TMC1: variants seen among roughly 807,000 people sequenced by gnomAD.
TMC1 encodes transmembrane channel-like protein 1.
Under a neutral mutation model 105.8 loss-of-function variants are expected in TMC1, and 84 were observed. The observed-to-expected ratio is 0.79, with a 90% CI of 0.67 to 0.95. The LOEUF (loss-of-function observed/expected upper bound fraction) is 0.95, where lower values mean the gene tolerates loss of function less well. Ranked by LOEUF, TMC1 falls within the 40% of genes least tolerant of loss-of-function variation. TMC1 has a pLI of 0.00. For missense variants in TMC1, 817 were observed against 914.1 expected (o/e 0.89, Z 1.37); for synonymous variants, 315 against 311.5 (o/e 1.01, Z -0.12).
chr9:72,548,343 G>T (rs1224215435), intron 1 of TMC1, among the ~76,000 whole-genome samples: 1 of 152,016 alleles, frequency 6.6e-6, no homozygotes, highest in Non-Finnish European at 1.5e-5. Flanking sequence ...AGGCCAAGGT[G>T]GGGTGGATCA....
intron 1 of TMC1, among the ~76,000 whole-genome samples, chr9:72,533,219 T>C (rs146413490): frequency 6.6e-6 from 1 of 152,262 alleles, no homozygotes; most frequent in African/African-American, 2.4e-5. Flanking sequence ...AATATATTCA[T>C]CCAGAGAACC....
chr9:72,602,366 ATT>A (rs66682329), intron 2 of TMC1, among the ~76,000 whole-genome samples: 870 of 86,540 alleles, frequency 0.01, 5 homozygotes, highest in African/African-American at 0.036. Flanking sequence ...CCTATTGGTG[ATT>A]TTTTTTTTTT....
At chr9:72,791,051 T>C (rs965900965) in intron 15 of TMC1, among the ~76,000 whole-genome samples, 1 of 152,126 alleles carries the variant, frequency 6.6e-6, no homozygotes, top group Non-Finnish European at 1.5e-5. Flanking sequence ...AATCGGTATT[T>C]CCCTATTAGA....
At chr9:72,582,136 T>C (rs1247023053) in intron 2 of TMC1, among the ~76,000 whole-genome samples, 1 of 152,112 alleles carries the variant, frequency 6.6e-6, no homozygotes, top group African/African-American at 2.4e-5. Context: ...TTTGTACTTT[T>C]AGTGGAGATG....
rs147604209 is a variant in TMC1, at chr9:72,553,042, C to T, written c.-427-24860C>T. ...AGGCTGGAGTGCAACGGCATGATCT[C>T]GGGTCACAGCAACCTCTGCCTCCCA... On this transcript the variant is annotated intron_variant, in intron 1 of 23. Transcript: ENST00000297784. Among the ~76,000 whole-genome samples the T allele has an allele frequency of 1.7e-4, 26 of 152,090 alleles. No homozygotes were observed. The East Asian group carries it at 4.9e-3, about 28-fold the overall frequency.
intron 2 of TMC1, among the ~76,000 whole-genome samples, chr9:72,615,906 C>G (rs1825118826): frequency 6.6e-6 from 1 of 151,954 alleles, no homozygotes. Context: ...GCGTCCGTCA[C>G]CACACTCAGC....
chr9:72,785,909 T>C (rs1417105802), intron 13 of TMC1, among the ~76,000 whole-genome samples: 1 of 152,240 alleles, frequency 6.6e-6, no homozygotes, highest in African/African-American at 2.4e-5. Flanking sequence ...TAATTTTCTT[T>C]TTCTTGTGTG....
chr9:72,605,795 C>T (rs139074305), intron 2 of TMC1, among the ~76,000 whole-genome samples: 95 of 152,088 alleles, frequency 6.2e-4, no homozygotes, highest in African/African-American at 2.2e-3. Context: ...AGGCTGGTCT[C>T]GAACTCCTGG....
intron 1 of TMC1, among the ~76,000 whole-genome samples, chr9:72,548,444 C>G (rs1309808924): frequency 6.6e-6 from 1 of 151,900 alleles, no homozygotes; most frequent in Non-Finnish European, 1.5e-5. Context: ...TGGTCAGGCG[C>G]ACGCCTGTAA....
chr9:72,816,183 C>T lies in TMC1; in HGVS notation c.1736C>T (p.Ala579Val). ...TTCGACATCAGTGGCAACGTCCTCG[C>T]TCTGATCTTCAACCAAGGCATGATC... ...TEFDISGNVLALIFNQGMIWM... is the reference protein window; with the variant it reads ...TEFDISGNVLVLIFNQGMIWM... The change falls in exon 19 of 24, where the codon GCT becomes GTT. Residue 579 changes from alanine to valine, a missense_variant. Ala to Val is a moderately conservative substitution (Grantham distance 64). Transcript: ENST00000297784. 1 of 1,613,616 alleles carries T rather than the reference C, an allele frequency of 6.2e-7. No individual in the cohort carries two copies. Among genetic ancestry groups the T allele is most frequent in the South Asian group, 1.1e-5 (1 of 91,078 alleles).
intron 1 of TMC1, among the ~76,000 whole-genome samples, chr9:72,537,218 G>C (rs1823600396): frequency 6.6e-6 from 1 of 152,272 alleles, no homozygotes; most frequent in South Asian, 2.1e-4. Flanking sequence ...GTCCTCCTAG[G>C]CCTCTAGGCT....
chr9:72,541,000 A>G (rs1319348378), intron 1 of TMC1, among the ~76,000 whole-genome samples: 1 of 152,158 alleles, frequency 6.6e-6, no homozygotes, highest in Non-Finnish European at 1.5e-5. Flanking sequence ...AAAACTTCTG[A>G]CTTTTGTTTT....
intron 5 of TMC1, among the ~76,000 whole-genome samples, chr9:72,680,477 A>C (rs1164710861): frequency 6.6e-6 from 1 of 152,084 alleles, no homozygotes; most frequent in African/African-American, 2.4e-5. Context: ...GCTAAAAAGC[A>C]GAAAAAAAAT....
At chr9:72,674,188 G>C (rs923972920) in intron 5 of TMC1, among the ~76,000 whole-genome samples, 1 of 152,168 alleles carries the variant, frequency 6.6e-6, no homozygotes, top group East Asian at 1.9e-4. Flanking sequence ...ATTTAACACT[G>C]TGAAGATATT....
chr9:72,763,541 G>C (rs949920587), intron 12 of TMC1, among the ~76,000 whole-genome samples: 1 of 152,224 alleles, frequency 6.6e-6, no homozygotes, highest in East Asian at 1.9e-4. Flanking sequence ...CTCTGAGAAA[G>C]TAATGTTCAA....
chr9:72,714,053 T>C (rs1327111715), intron 8 of TMC1, among the ~76,000 whole-genome samples: 1 of 152,226 alleles, frequency 6.6e-6, no homozygotes, highest in African/African-American at 2.4e-5. Context: ...AACAGGTTGT[T>C]CAGTTTCGAT....
intron 2 of TMC1, among the ~76,000 whole-genome samples, chr9:72,605,613 A>T (rs7862870): frequency 0.56 from 82,970 of 147,048 alleles, 24,529 homozygotes; most frequent in African/African-American, 0.76. Flanking sequence ...TCTCACTCTG[A>T]CACCCAGGCT....
chr9:72,551,143 GA>G (rs779595229), intron 1 of TMC1, among the ~76,000 whole-genome samples: 2 of 152,194 alleles, frequency 1.3e-5, no homozygotes, highest in African/African-American at 2.4e-5. Flanking sequence ...TGGCCCTGTA[GA>G]GGTTATAAAA....
At chr9:72,763,722 A>G (rs1448488460) in intron 12 of TMC1, among the ~76,000 whole-genome samples, 1 of 152,224 alleles carries the variant, frequency 6.6e-6, no homozygotes, top group Non-Finnish European at 1.5e-5. Flanking sequence ...AACACAAGGC[A>G]TTGGAGAGAC....
Sources: gnomAD v4.1 joint callset for allele counts (sites outside exome capture counted in the v4.1 genomes callset) on GRCh38, gnomAD v4.1.1 for gene constraint, MANE v1.5 for transcripts, NCBI Gene and HGNC (gene_info 2026-07-23, HGNC 2026-07-21) for gene names.